The following UGT3A1 variants were observed in gnomAD, a reference collection of about 807,000 sequenced individuals.
The protein encoded by UGT3A1 is UDP-glycosyltransferase 3A1.
A neutral mutation model predicts 37.6 loss-of-function variants in UGT3A1; 40 were observed. The ratio of observed to expected loss-of-function variants is 1.06; its 90% confidence interval spans 0.83 to 1.38. The LOEUF is 1.38. UGT3A1 is among the 40% of genes most tolerant of loss of function. UGT3A1 has a pLI of 0.00. For missense variants in UGT3A1, 642 were observed against 634.2 expected (o/e 1.01, Z -0.13); for synonymous variants, 256 against 232.3 (o/e 1.10, Z -0.93).
intron 2 of UGT3A1, among the ~76,000 whole-genome samples, chr5:35,978,949 C>A (rs1381855059): frequency 6.6e-6 from 1 of 152,150 alleles, no homozygotes; most frequent in Non-Finnish European, 1.5e-5. Context: ...AAAGGGGCTA[C>A]AGGTCTCATG....
chr5:35,954,684 A>G, intron 6 of UGT3A1: 2 of 593,598 alleles, frequency 3.4e-6, no homozygotes, highest in South Asian at 2.2e-5. Flanking sequence ...CCACATACAA[A>G]GACCAATGAT....
intron 1 of UGT3A1, among the ~76,000 whole-genome samples, chr5:35,998,824 G>C (rs1295654107): frequency 1.3e-5 from 2 of 152,164 alleles, no homozygotes; most frequent in African/African-American, 2.4e-5. Flanking sequence ...ACTTGAGCTT[G>C]TCAACTGGCA....
intron 4 of UGT3A1, chr5:35,962,121 G>C (rs973707756): frequency 6.6e-6 from 1 of 152,192 alleles, no homozygotes; most frequent in African/African-American, 2.4e-5. Flanking sequence ...GTGAAACAAA[G>C]CTCATCCCCA....
rs201756189 is a variant in UGT3A1, at chr5:35,955,647, C to G, written c.1293G>C (p.Lys431Asn). The G allele has an allele frequency of 3.8e-5, 62 of 1,614,078 alleles. No individual in the cohort carries two copies. The highest frequency in any genetic ancestry group is 5.0e-5 in the Non-Finnish European group (59 of 1,180,046). The part of the protein sequence containing the change: ...TLTMKQVIED[K>N]RYKSAVVAAS... ...CACATGCTTAGAGAGCCACATACCT[C>G]TTGTCTTCTATGACTTGTTTCATTG... Residue 431 changes from lysine (K) to asparagine (N), a missense_variant and splice_region_variant, in exon 6 of 7, where the codon AAG becomes AAC. Lys to Asn is a moderately conservative substitution (Grantham distance 94). Transcript: ENST00000274278.
At chr5:35,993,395 C>T (rs1020872228), upstream of UGT3A1, among the ~76,000 whole-genome samples, 56 of 151,506 alleles carry the variant, frequency 3.7e-4, no homozygotes, top group Middle Eastern at 6.9e-3. Context: ...ACCCAGGAGG[C>T]GGAGGTTGCA....
At chr5:35,981,428 C>T (rs879014216) in intron 2 of UGT3A1, among the ~76,000 whole-genome samples, 5 of 151,992 alleles carry the variant, frequency 3.3e-5, no homozygotes, top group African/African-American at 4.8e-5. Flanking sequence ...ATGGAAATGA[C>T]GAACTTATTG....
At chr5:35,985,134 C>T (rs887335692) in intron 2 of UGT3A1, among the ~76,000 whole-genome samples, 5 of 127,434 alleles carry the variant, frequency 3.9e-5, no homozygotes, top group East Asian at 2.3e-4. Flanking sequence ...ATATAAAATA[C>T]CTAGAAATCA....
In UGT3A1 at chr5:35,957,212, A is replaced by G. The variant is rs1739388854; in HGVS notation, c.1051T>C (p.Trp351Arg). ...HLATNVKIVD[W>R]LPQSDLLAHP... Reference sequence around the variant, plus strand: ...CCCAGGAGGTCACTCTGAGGAAGCCAGTCCACAATTTTCACATTTGTGGCC... The same window carrying G: ...CCCAGGAGGTCACTCTGAGGAAGCCGGTCCACAATTTTCACATTTGTGGCC... The change falls in exon 5 of 7, where the codon TGG becomes CGG. Residue 351 changes from tryptophan to arginine, a missense_variant. Transcript: ENST00000274278. 6.2e-7 allele frequency: 1 copy of G among 1,614,200 alleles called. No homozygotes were observed. Among genetic ancestry groups the G allele is most frequent in the South Asian group, 1.1e-5 (1 of 91,084 alleles).
intron 2 of UGT3A1, among the ~76,000 whole-genome samples, chr5:35,979,362 C>T (rs73076161): frequency 0.067 from 10,159 of 152,186 alleles, 1,138 homozygotes; most frequent in African/African-American, 0.23. Context: ...CTTTTAAAAT[C>T]ACCCAAGTCA....
At chr5:35,990,152 G>T (rs1472200426) in intron 1 of UGT3A1, among the ~76,000 whole-genome samples, 1 of 151,958 alleles carries the variant, frequency 6.6e-6, no homozygotes, top group Non-Finnish European at 1.5e-5. Context: ...CGGAAGTTGT[G>T]GTGAGCGTGG....
At chr5:35,980,351 G>A (rs1004088899) in intron 2 of UGT3A1, among the ~76,000 whole-genome samples, 1 of 152,174 alleles carries the variant, frequency 6.6e-6, no homozygotes, top group Non-Finnish European at 1.5e-5. Flanking sequence ...TTTCATAATA[G>A]AGCTCATGGA....
At chr5:35,984,135 T>C (rs900628056) in intron 2 of UGT3A1, among the ~76,000 whole-genome samples, 7 of 152,160 alleles carry the variant, frequency 4.6e-5, no homozygotes, top group African/African-American at 1.7e-4. Context: ...GAAGACATGA[T>C]TTTATACTTA....
upstream of UGT3A1, among the ~76,000 whole-genome samples, chr5:35,995,352 A>G (rs1741070690): frequency 6.6e-6 from 1 of 152,206 alleles, no homozygotes; most frequent in Admixed American, 6.5e-5. Flanking sequence ...CTACAGGGAC[A>G]TCTCTCATGA....
chr5:35,987,978 C>T (rs1156254954), intron 2 of UGT3A1, among the ~76,000 whole-genome samples: 2 of 152,060 alleles, frequency 1.3e-5, no homozygotes, highest in Non-Finnish European at 2.9e-5. Flanking sequence ...CATATGAGGT[C>T]GTGTTAATCA....
chr5:35,999,478 C>G (rs1178928468), intron 1 of UGT3A1, among the ~76,000 whole-genome samples: 1 of 152,130 alleles, frequency 6.6e-6, no homozygotes, highest in African/African-American at 2.4e-5. Flanking sequence ...GAGCACAGCT[C>G]CATCAAAGGA....
In UGT3A1 at chr5:35,954,603, G is replaced by A. The variant is rs1580911145; in HGVS notation, c.1296-125C>T. The stretch of plus-strand genomic sequence containing the variant: ...CTAACACATGCACCAAGGCTGGGCT[G>A]CAAAGAAAATTTGTTGGCATGGCCT... On this transcript the variant is annotated intron_variant, in intron 6 of 6. Transcript: ENST00000274278. The A allele has an allele frequency of 7.1e-6, 9 of 1,271,952 alleles. No homozygotes were observed. The East Asian group carries it at 2.3e-4, about 32-fold the overall frequency. 78.8% of individuals were successfully genotyped at this position (1,271,952 alleles called of 1,614,324 possible). A position where few individuals can be genotyped will look rare whatever the true frequency, so the allele number is the denominator to read the frequency against.
In UGT3A1 at chr5:35,965,883, T is replaced by C; in HGVS notation, c.346A>G (p.Ile116Val). 6.3e-7 allele frequency: 1 copy of C among 1,585,676 alleles called. No homozygotes were observed. The highest frequency in any genetic ancestry group is 8.6e-7 in the Non-Finnish European group (1 of 1,168,526). ...ESEALVKLME[I>V]FGTQCSYLLS... ...AAATAACTACATTGAGTCCCAAATA[T>C]TTCCATTAGCTTTACAAGGGCTTCA... Residue 116 changes from isoleucine (I) to valine (V), a missense_variant, in exon 4 of 7, where the codon ATA becomes GTA. Coordinates refer to ENST00000274278, the MANE Select transcript of UGT3A1 (RefSeq NM_152404.4).
intron 1 of UGT3A1, 67 bp from the exon 2 acceptor site, chr5:35,988,618 G>T: frequency 1.6e-6 from 2 of 1,222,610 alleles, no homozygotes; most frequent in Non-Finnish European, 2.4e-6. Context: ...TATGGGAGTA[G>T]GCAGGAGGGA....
At chr5:35,959,752 TG>T (rs543226702) in intron 4 of UGT3A1, among the ~76,000 whole-genome samples, 158 of 152,138 alleles carry the variant, frequency 1.0e-3, no homozygotes, top group Admixed American at 4.2e-3. Context: ...GAAGAAATAA[TG>T]GCAGATAACA....
Sources: gnomAD v4.1 joint callset for allele counts (sites outside exome capture counted in the v4.1 genomes callset) on GRCh38, gnomAD v4.1.1 for gene constraint, MANE v1.5 for transcripts, NCBI Gene and HGNC (gene_info 2026-07-23, HGNC 2026-07-21) for gene names.